Variants in ARAP2 observed in about 807,000 individuals in gnomAD.
The protein encoded by ARAP2 is arf-GAP with Rho-GAP domain, ANK repeat and PH domain-containing protein 2.
In ARAP2, 148 loss-of-function variants were observed where a neutral mutation model predicts 194.5. That is an observed-to-expected ratio of 0.76 (90% CI 0.67 to 0.87). The LOEUF (loss-of-function observed/expected upper bound fraction) is 0.87, where lower values mean the gene tolerates loss of function less well. Ranked by LOEUF, ARAP2 falls within the 40% of genes least tolerant of loss-of-function variation. The probability of loss-of-function intolerance (pLI) is 0.00; values close to 1 mark genes in which losing one functional copy is unlikely to be tolerated. For missense variants in ARAP2, 2,128 were observed against 1,989.7 expected, an observed-to-expected ratio of 1.07 and a Z score of -1.32; for synonymous variants, 695 against 683.5, an observed-to-expected ratio of 1.02 and a Z score of -0.26.
intron 22 of ARAP2, among the ~76,000 whole-genome samples, chr4:36,124,312 T>TA (rs1286429780): frequency 3.1e-4 from 46 of 150,762 alleles, no homozygotes; most frequent in East Asian, 5.9e-4. Flanking sequence ...TGCTAAGATT[T>TA]AAAAAAAAAA....
chr4:36,014,322 G>GAA (rs1560265031), intron 8 of ARAP2, among the ~76,000 whole-genome samples: 5 of 128,394 alleles, frequency 3.9e-5, no homozygotes, highest in Admixed American at 1.6e-4. Context: ...AAGAAAGAAA[G>GAA]AGAGAAAGAA....
At position 36,086,202 on chromosome 4, in the gene ARAP2, G is replaced by A. The variant is rs142313887; in HGVS notation, c.4426-2752C>T. The stretch of plus-strand genomic sequence containing the variant: ...AGCAGGGTTGGCTGCAACTCTAGCA[G>A]TATGGGGAAGATAGGACTTGCATAT... On this transcript the variant is annotated intron_variant, in intron 28 of 32. Coordinates refer to ENST00000303965, the MANE Select transcript of ARAP2 (RefSeq NM_015230.4). Among the ~76,000 whole-genome samples, 1,472 of 152,212 alleles carry A rather than the reference G, an allele frequency of 9.7e-3. 23 individuals carry two copies. Among genetic ancestry groups the A allele is most frequent in the African/African-American group, 0.034 (1,408 of 41,546 alleles).
At chr4:36,073,268 A>C (rs982296720) in intron 32 of ARAP2, among the ~76,000 whole-genome samples, 2 of 152,114 alleles carry the variant, frequency 1.3e-5, no homozygotes, top group Admixed American at 6.6e-5. Flanking sequence ...ATTAACTGAG[A>C]GACCCCATCA....
At chr4:36,186,367 C>T (rs1740573688) in intron 8 of ARAP2, among the ~76,000 whole-genome samples, 1 of 152,204 alleles carries the variant, frequency 6.6e-6, no homozygotes, top group African/African-American at 2.4e-5. Context: ...CACATTTAAA[C>T]TCAATCCAGA....
chr4:36,018,940 A>C (rs1716395952), intron 6 of ARAP2, among the ~76,000 whole-genome samples: 1 of 150,278 alleles, frequency 6.7e-6, no homozygotes. Context: ...AGGGAGGGCC[A>C]AGCTAAAGAA....
At chr4:36,056,552 T>C (rs557916838) in intron 2 of ARAP2, among the ~76,000 whole-genome samples, 4 of 152,334 alleles carry the variant, frequency 2.6e-5, no homozygotes, top group African/African-American at 9.6e-5. Flanking sequence ...CTATATATTT[T>C]ATGTGTGTCT....
intron 5 of ARAP2, among the ~76,000 whole-genome samples, chr4:36,211,484 G>T (rs917058441): frequency 6.6e-6 from 1 of 152,014 alleles, no homozygotes; most frequent in Admixed American, 6.6e-5. Context: ...GATATGCCTG[G>T]GCTCAAATTA....
At position 36,066,179 on chromosome 4, in the gene ARAP2, T is replaced by C. The variant is rs780443989; in HGVS notation, c.*1728A>G. 4.6e-5 allele frequency: 7 copies of C among 152,228 alleles called. No individual in the cohort carries two copies. Among genetic ancestry groups the C allele is most frequent in the Non-Finnish European group, 8.8e-5 (6 of 68,044 alleles). The allele number at this position is 152,228 out of a possible 1,614,324, so 9.4% of individuals were successfully genotyped here. ...AGATAAGGCAGGTAAAAACTCTAGATACTTTTCCACTGTCCAACATCACCA... is the reference window on the plus strand; with the variant it reads ...AGATAAGGCAGGTAAAAACTCTAGACACTTTTCCACTGTCCAACATCACCA... On this transcript the variant is annotated 3_prime_UTR_variant, in exon 33 of 33. Transcript: ENST00000303965.
At chr4:36,110,775 A>C (rs1178196342) in intron 26 of ARAP2, among the ~76,000 whole-genome samples, 1 of 151,958 alleles carries the variant, frequency 6.6e-6, no homozygotes, top group African/African-American at 2.4e-5. Context: ...GTTGTGCACC[A>C]TCTCACCAAC....
chr4:36,174,135 C>T (rs1268253978), intron 9 of ARAP2, among the ~76,000 whole-genome samples: 10 of 152,190 alleles, frequency 6.6e-5, no homozygotes, highest in African/African-American at 2.4e-4. Flanking sequence ...TGAGAAGATG[C>T]CCCCTGCATG....
intron 5 of ARAP2, among the ~76,000 whole-genome samples, chr4:36,043,822 A>G (rs1721295709): frequency 1.6e-5 from 1 of 61,982 alleles, no homozygotes; most frequent in Admixed American, 2.4e-4. Context: ...AGGGAAGGGA[A>G]GGGAAGGGGA....
At chr4:36,208,154 C>G (rs988062550) in intron 6 of ARAP2, among the ~76,000 whole-genome samples, 24 of 152,152 alleles carry the variant, frequency 1.6e-4, no homozygotes, top group African/African-American at 5.5e-4. Flanking sequence ...GAGCAACAGT[C>G]GTAGTAGTAA....
intron 8 of ARAP2, among the ~76,000 whole-genome samples, chr4:36,184,173 T>C (rs1488510052): frequency 1.3e-5 from 2 of 152,138 alleles, no homozygotes; most frequent in Non-Finnish European, 2.9e-5. Context: ...TTACACTTAA[T>C]AATACTTTAT....
intron 8 of ARAP2, among the ~76,000 whole-genome samples, chr4:36,014,300 G>T (rs1218091718): frequency 1.3e-5 from 1 of 74,518 alleles, no homozygotes; most frequent in Non-Finnish European, 2.5e-5. Flanking sequence ...AAAGAAAGAA[G>T]AGAAGGAAGG....
At chr4:36,095,779 T>G (rs1377083300) in intron 27 of ARAP2, among the ~76,000 whole-genome samples, 1 of 152,106 alleles carries the variant, frequency 6.6e-6, no homozygotes, top group African/African-American at 2.4e-5. Context: ...AGATACATAT[T>G]CAACTGCTTA....
chr4:36,146,440 T>G (rs140801893), intron 19 of ARAP2, among the ~76,000 whole-genome samples: 1 of 152,186 alleles, frequency 6.6e-6, no homozygotes, highest in African/African-American at 2.4e-5. Context: ...GATCAGGTTG[T>G]GGGTATCTCT....
chr4:36,244,408 G>GGCGGGGAGC lies in ARAP2; in HGVS notation c.-398_-390dup, dbSNP rs1391429989. ...GCGTGTCGCGGCCGCCGCACCTGGA[G>GGCGGGGAGC]GCGGGGAGCGCGGGCCGCGGACCCG... On this transcript the variant is annotated 5_prime_UTR_variant, in exon 1 of 33. Transcript: ENST00000303965. The GGCGGGGAGC allele has an allele frequency of 3.3e-5, 5 of 150,338 alleles. No individual in the cohort carries two copies. Among genetic ancestry groups the GGCGGGGAGC allele is most frequent in the Non-Finnish European group, 5.9e-5 (4 of 67,358 alleles). 9.3% of individuals were successfully genotyped at this position (150,338 alleles called of 1,614,324 possible).
At position 36,159,390 on chromosome 4, in the gene ARAP2, A is replaced by G. The variant is rs1733382599; in HGVS notation, c.2558T>C (p.Leu853Pro). 6.2e-7 allele frequency: 1 copy of G among 1,611,162 alleles called. No homozygotes were observed. Among genetic ancestry groups the G allele is most frequent in the Admixed American group, 1.7e-5 (1 of 59,760 alleles). ...GDPVHSTPYL[L>P]AKKAGQSLQM... ...CAGACTTTGCCCAGCTTTCTTGGCTAGCAGATAGGGGGTGCTATGCACGGG... is the reference window on the plus strand; with the variant it reads ...CAGACTTTGCCCAGCTTTCTTGGCTGGCAGATAGGGGGTGCTATGCACGGG... The change falls in exon 14 of 33, where the codon CTA becomes CCA. Residue 853 changes from leucine (L) to proline (P), a missense_variant. Leu to Pro is a moderately conservative substitution (Grantham distance 98). Coordinates refer to ENST00000303965, the MANE Select transcript of ARAP2 (RefSeq NM_015230.4).
At chr4:36,184,251 C>T (rs1739978870) in intron 8 of ARAP2, among the ~76,000 whole-genome samples, 1 of 142,500 alleles carries the variant, frequency 7.0e-6, no homozygotes, top group Non-Finnish European at 1.5e-5. Flanking sequence ...TTGAAAGTTC[C>T]ATACAAAACA....
Sources: gnomAD v4.1 joint callset for allele counts (sites outside exome capture counted in the v4.1 genomes callset) on GRCh38, gnomAD v4.1.1 for gene constraint, MANE v1.5 for transcripts, NCBI Gene and HGNC (gene_info 2026-07-23, HGNC 2026-07-21) for gene names.